The following DNAJC7 variants were observed in gnomAD, a reference collection of about 807,000 sequenced individuals.
The protein encoded by DNAJC7 is DnaJ heat shock protein family (Hsp40) member C7, also known as dnaJ homolog subfamily C member 7.
DNAJC7 carries 18 observed loss-of-function variants against 67.4 expected under a neutral mutation model. The ratio of observed to expected loss-of-function variants is 0.27; its 90% CI spans 0.18 to 0.40. The LOEUF is 0.40. DNAJC7 is among the 10% of genes least tolerant of loss of function. The probability of loss-of-function intolerance (pLI) is 1.00; values close to 1 mark genes in which losing one functional copy is unlikely to be tolerated. For synonymous variants in DNAJC7, 220 were observed against 207.8 expected, an observed-to-expected ratio of 1.06 and a Z score of -0.50; for missense variants, 419 against 613.8, an observed-to-expected ratio of 0.68 and a Z score of 3.35.
At chr17:42,003,055 T>C (rs2051850921) in intron 1 of DNAJC7, among the ~76,000 whole-genome samples, 1 of 152,186 alleles carries the variant, frequency 6.6e-6, no homozygotes, top group Admixed American at 6.5e-5. Flanking sequence ...GCAAGTAATG[T>C]AGAGTCAGCC....
At chr17:41,993,218 G>A (rs1253691778) in intron 5 of DNAJC7, among the ~76,000 whole-genome samples, 1 of 152,166 alleles carries the variant, frequency 6.6e-6, no homozygotes, top group Non-Finnish European at 1.5e-5. Context: ...CCAGCACTTT[G>A]GGAGGCCAAG....
In DNAJC7 at chr17:41,997,304, G is replaced by C. The variant is rs114238579; in HGVS notation, c.167-65C>G. The C allele has an allele frequency of 1.4e-4, 222 of 1,562,696 alleles. No homozygotes were observed. The African/African-American group carries it at 2.7e-3, about 19-fold the overall frequency. On this transcript the variant is annotated intron_variant, in intron 2 of 13. Transcript: ENST00000457167. ...CAGGTCCCTGCTTTGAAAACTTAGA[G>C]GGGGCTGGGCGCAGTGGCTCATGCC...
At chr17:41,996,649 A>C (rs951391989) in intron 3 of DNAJC7, among the ~76,000 whole-genome samples, 11 of 152,222 alleles carry the variant, frequency 7.2e-5, no homozygotes, top group Non-Finnish European at 1.5e-4. Flanking sequence ...CTTACTAAAA[A>C]TACAAAAATT....
Position 41,981,892 on chromosome 17 carries a change from A to G in DNAJC7, c.1347T>C (p.Ser449=), listed in dbSNP as rs1555646018. 2 of 1,613,962 alleles carry G rather than the reference A, an allele frequency of 1.2e-6. No individual in the cohort carries two copies. Among genetic ancestry groups the G allele is most frequent in the Admixed American group, 1.7e-5 (1 of 60,000 alleles). The change falls in exon 12 of 14, where the codon AGT becomes AGC. Residue 449 remains serine (S), a synonymous_variant. Coordinates refer to ENST00000457167, the MANE Select transcript of DNAJC7 (RefSeq NM_003315.4). The part of the protein sequence containing the change: ...SDPKKKTRYD[S]GQDLDEEGMN... ...TGCCCTCCTCATCTAGGTCCTGTCC[A>G]CTGTCATAGCGAGTCTTTTTCTTGG...
At chr17:42,008,397 T>G (rs1387553041) in intron 1 of DNAJC7, among the ~76,000 whole-genome samples, 1 of 129,352 alleles carries the variant, frequency 7.7e-6, no homozygotes, top group Non-Finnish European at 1.6e-5. Flanking sequence ...CAGGTATAGA[T>G]ATATATATAT....
intron 1 of DNAJC7, chr17:42,014,128 T>C (rs2052197275): frequency 6.6e-6 from 1 of 151,898 alleles, no homozygotes; most frequent in South Asian, 2.1e-4. Flanking sequence ...ATGTCTGATA[T>C]GGCAAAAAGT....
At chr17:41,981,611 T>TG (rs782716456) in intron 12 of DNAJC7, 41 of 479,820 alleles carry the variant, frequency 8.5e-5, no homozygotes, top group Non-Finnish European at 1.4e-4. Flanking sequence ...ATTACAGGCA[T>TG]GACCCATGGG....
chr17:41,981,385 G>A (rs929812853), intron 12 of DNAJC7, among the ~76,000 whole-genome samples: 13 of 151,986 alleles, frequency 8.6e-5, no homozygotes, highest in Admixed American at 8.5e-4. Context: ...TAGTAGAGAC[G>A]AGGTTTCACC....
At position 42,006,215 on chromosome 17, in the gene DNAJC7, G is replaced by A. The variant is rs57298298; in HGVS notation, c.78-5645C>T. On this transcript the variant is annotated intron_variant, in intron 1 of 13. Coordinates refer to ENST00000457167, the MANE Select transcript of DNAJC7 (RefSeq NM_003315.4). ...GTTACCTAGGCTGGAGTGCAGTGGC[G>A]CAATCTCGGCTCATTGCAACCCCCA... 1.8e-3 allele frequency among the ~76,000 whole-genome samples: 276 copies of A among 150,688 alleles called. 7 individuals carry two copies. The East Asian group carries it at 0.048, about 26-fold the overall frequency.
In DNAJC7 at chr17:41,982,393, G is replaced by C. The variant is rs781816532; in HGVS notation, c.1093C>G (p.Gln365Glu). Residue 365 changes from glutamine to glutamate, a missense_variant, in exon 11 of 14, where the codon CAG becomes GAG. By Grantham distance (29) the Gln-to-Glu change is conservative. Transcript: ENST00000457167. ...TCCAGCTGCGCATTTTTTAGGAGCT[G>C]TTTGTGTTCTACAGGAAGACATCTG... is the stretch of plus-strand genomic sequence containing the variant. ...YQTEKTKEHK[Q>E]LLKNAQLELK... 1.2e-6 allele frequency: 2 copies of C among 1,613,906 alleles called. No individual in the cohort carries two copies. Among genetic ancestry groups the C allele is most frequent in the East Asian group, 2.2e-5 (1 of 44,890 alleles).
rs2143237411 is a variant in DNAJC7 at position 41,996,515 on chromosome 17, AC to A, written c.292-92del. On this transcript the variant is annotated intron_variant, in intron 3 of 13. Coordinates refer to ENST00000457167, the MANE Select transcript of DNAJC7 (RefSeq NM_003315.4). ...CAACAGACACCCACACAAAACCAAC[AC>A]AGAGGCCAGGCGCGGTGACTCACAC... The A allele has an allele frequency of 2.6e-6, 3 of 1,161,508 alleles. No homozygotes were observed. In the East Asian group the frequency reaches 7.5e-5, roughly 29 times the overall value. 72.0% of individuals were successfully genotyped at this position (1,161,508 alleles called of 1,614,324 possible). A position where few individuals can be genotyped will look rare whatever the true frequency, so the allele number is the denominator to read the frequency against.
intron 9 of DNAJC7, chr17:41,985,670 T>C (rs1469178062): frequency 3.9e-5 from 6 of 152,214 alleles, no homozygotes; most frequent in Admixed American, 1.3e-4. Flanking sequence ...CATGATGGCA[T>C]GTGTAGCAAA....
intron 12 of DNAJC7, among the ~76,000 whole-genome samples, chr17:41,980,733 G>A (rs545860833): frequency 2.5e-4 from 38 of 152,266 alleles, no homozygotes; most frequent in Admixed American, 9.2e-4. Context: ...ACAGCCCACA[G>A]TGAGCAACAA....
Position 42,017,395 on chromosome 17 carries a change from C to T in DNAJC7, c.22G>A (p.Asp8Asn), listed in dbSNP as rs782649180. The T allele has an allele frequency of 1.9e-6, 3 of 1,609,356 alleles. No homozygotes were observed. The highest frequency in any genetic ancestry group is 2.5e-6 in the Non-Finnish European group (3 of 1,179,862). Residue 8 changes from aspartate to asparagine, a missense_variant, in exon 1 of 14, where the codon GAT (aspartate) becomes AAT (asparagine). This residue lies in a region of DNAJC7 where 63 missense variants were observed against 54.0 expected (regional missense o/e 1.17). Coordinates refer to ENST00000457167, the MANE Select transcript of DNAJC7 (RefSeq NM_003315.4). MAAAAECDVVMAATEPEL... is the reference protein window; with the variant it reads MAAAAECNVVMAATEPEL... ...GGCTCGGTCGCCGCCATTACCACAT[C>T]GCACTCCGCGGCAGCCGCCATCTTA...
chr17:41,988,504 G>C (rs1359564880), intron 8 of DNAJC7, among the ~76,000 whole-genome samples: 1 of 152,234 alleles, frequency 6.6e-6, no homozygotes, highest in Admixed American at 6.5e-5. Flanking sequence ...CTGGAGGAAA[G>C]GGACCTTAAT....
chr17:41,978,586 G>A (rs1486156145), intron 12 of DNAJC7, among the ~76,000 whole-genome samples: 3 of 152,178 alleles, frequency 2.0e-5, no homozygotes, highest in Admixed American at 6.5e-5. Flanking sequence ...ACGGCTGGCC[G>A]TGGTGGCTCA....
Position 41,983,591 on chromosome 17 carries a change from T to G in DNAJC7, c.1056A>C (p.Glu352Asp). The stretch of plus-strand genomic sequence containing the variant: ...TTGTTTTCTCTGTCTGGTATACTTT[T>G]TCATAGTCTCGTACTGCTTCTTCAT... ...EQYEEAVRDY[E>D]KVYQTEKTKE... The change falls in exon 10 of 14, where the codon GAA (glutamate) becomes GAC (aspartate). Residue 352 changes from glutamate (E) to aspartate (D), a missense_variant. Around this residue, in one of 4 missense-constraint regions of DNAJC7, gnomAD observed 161 missense variants for 252.2 expected, o/e 0.64. Coordinates refer to ENST00000457167, the MANE Select transcript of DNAJC7 (RefSeq NM_003315.4). 2.5e-6 allele frequency: 4 copies of G among 1,600,052 alleles called. No homozygotes were observed. Among genetic ancestry groups the G allele is most frequent in the Non-Finnish European group, 3.4e-6 (4 of 1,172,258 alleles).
chr17:41,976,824 A>G (rs1288303750), intron 13 of DNAJC7, 54 bp from the exon 14 acceptor site: 3 of 1,591,322 alleles, frequency 1.9e-6, no homozygotes, highest in Admixed American at 3.9e-5. Flanking sequence ...AAGGAAGATC[A>G]CTTTGCTCTG....
chr17:41,999,305 G>A (rs1302005241), intron 2 of DNAJC7, among the ~76,000 whole-genome samples: 3 of 151,942 alleles, frequency 2.0e-5, no homozygotes, highest in Non-Finnish European at 4.4e-5. Context: ...GAAATGAAAT[G>A]TGCATGTTGA....
Sources: gnomAD v4.1 joint callset for allele counts (sites outside exome capture counted in the v4.1 genomes callset) on GRCh38, gnomAD v4.1.1 for gene constraint, gnomAD v4.1.1 regional missense constraint, MANE v1.5 for transcripts, NCBI Gene and HGNC (gene_info 2026-07-23, HGNC 2026-07-21) for gene names.